ITGA8: variants seen among roughly 807,000 people sequenced by gnomAD.
ITGA8 encodes the protein integrin subunit alpha 8.
Under a neutral mutation model 142.3 loss-of-function variants are expected in ITGA8, and 91 were observed. The ratio of observed to expected loss-of-function variants is 0.64; its 90% CI spans 0.54 to 0.76. The LOEUF is 0.76. Ranked by LOEUF, ITGA8 falls within the 30% of genes least tolerant of loss-of-function variation. The pLI, the probability that ITGA8 is intolerant of heterozygous loss-of-function variation, is 0.00. For missense variants in ITGA8, 1,406 were observed against 1,327.7 expected (o/e 1.06, Z -0.92); for synonymous variants, 505 against 485.2 (o/e 1.04, Z -0.54).
chr10:15,519,553 T>C, intron 28 of ITGA8, 141 bp from the exon 29 acceptor site: 1 of 882,706 alleles, frequency 1.1e-6, no homozygotes, highest in Non-Finnish European at 1.8e-6. Context: ...ATTTGAGAGG[T>C]AGCACTCGAA....
At chr10:15,621,018 C>T (rs902494964) in intron 13 of ITGA8, among the ~76,000 whole-genome samples, 2 of 152,198 alleles carry the variant, frequency 1.3e-5, no homozygotes, top group African/African-American at 2.4e-5. Flanking sequence ...GAATTTATAA[C>T]ACTTGGAACA....
chr10:15,716,251 T>C (rs755212507), intron 2 of ITGA8, among the ~76,000 whole-genome samples: 2 of 152,262 alleles, frequency 1.3e-5, no homozygotes, highest in Non-Finnish European at 2.9e-5. Flanking sequence ...AATTCTGAAA[T>C]TATTATGATT....
At position 15,592,289 on chromosome 10, in the gene ITGA8, G is replaced by A. The variant is rs375972086; in HGVS notation, c.2227C>T (p.Arg743Ter). The change falls in exon 22 of 30, where the codon CGA becomes TGA. Residue 743 changes from arginine to a stop codon, truncating the protein, a stop_gained. Coordinates refer to ENST00000378076, the MANE Select transcript of ITGA8 (RefSeq NM_003638.3). LOFTEE classifies it high-confidence loss of function. ...TTCTCAAGACGTGGAACTGCAAATC[G>A]GAGGCCCAGGGAATACTAAAAAATA... ...VSGTNYSLGLRFAVPRLEKTN... is the reference protein window; with the variant it reads ...VSGTNYSLGL The A allele has an allele frequency of 5.6e-6, 9 of 1,612,146 alleles. No individual in the cohort carries two copies. Among genetic ancestry groups the A allele is most frequent in the Admixed American group, 3.3e-5 (2 of 59,938 alleles).
At chr10:15,646,139 A>G (rs991535521) in intron 12 of ITGA8, among the ~76,000 whole-genome samples, 2 of 152,214 alleles carry the variant, frequency 1.3e-5, no homozygotes, top group African/African-American at 4.8e-5. Flanking sequence ...ACTGAGAGCT[A>G]TTACAGGATA....
rs1832959252 is a variant in ITGA8 at position 15,516,242 on chromosome 10, T to C, written c.*916A>G. 1 of 152,230 alleles carries C rather than the reference T, an allele frequency of 6.6e-6. No homozygotes were observed. Among genetic ancestry groups the C allele is most frequent in the Non-Finnish European group, 1.5e-5 (1 of 68,042 alleles). 9.4% of individuals were successfully genotyped at this position (152,230 alleles called of 1,614,324 possible). ...AGAGAGTACCTCGAAATTCATGTAT[T>C]AACTAAGTCAATGGAAAGATATACA... On this transcript the variant is annotated 3_prime_UTR_variant, in exon 30 of 30. Coordinates refer to ENST00000378076, the MANE Select transcript of ITGA8 (RefSeq NM_003638.3).
intron 24 of ITGA8, among the ~76,000 whole-genome samples, chr10:15,573,113 T>C (rs1270955070): frequency 6.6e-6 from 1 of 152,236 alleles, no homozygotes; most frequent in Non-Finnish European, 1.5e-5. Context: ...CAGTGATCTA[T>C]AAAACAATGG....
At chr10:15,620,844 T>C (rs1245093787) in intron 13 of ITGA8, among the ~76,000 whole-genome samples, 1 of 152,268 alleles carries the variant, frequency 6.6e-6, no homozygotes, top group Non-Finnish European at 1.5e-5. Context: ...GTTCTATTTA[T>C]ATACACATAC....
At chr10:15,592,191 T>A (rs1294252510) in intron 22 of ITGA8, 34 bp downstream of exon 22, 1 of 1,483,866 alleles carries the variant, frequency 6.7e-7, no homozygotes, top group East Asian at 2.3e-5. Context: ...TTCTTTTGAC[T>A]GCTGTCAACG....
chr10:15,586,726 T>A, intron 22 of ITGA8, 62 bp from the exon 23 acceptor site: 1 of 970,916 alleles, frequency 1.0e-6, no homozygotes. Context: ...CAATATATGA[T>A]CATAAAAAAC....
chr10:15,618,927 A>G (rs1325955438), intron 13 of ITGA8, among the ~76,000 whole-genome samples: 2 of 152,202 alleles, frequency 1.3e-5, no homozygotes, highest in Non-Finnish European at 2.9e-5. Flanking sequence ...TGACTGATAC[A>G]CTGTACATGT....
Position 15,576,889 on chromosome 10 carries a change from G to C in ITGA8, c.2373-1295C>G, listed in dbSNP as rs9333184. Among the ~76,000 whole-genome samples, 1,219 of 152,268 alleles carry C rather than the reference G, an allele frequency of 8.0e-3. 15 individuals are homozygous for C. Among genetic ancestry groups the C allele is most frequent in the African/African-American group, 0.028 (1,143 of 41,544 alleles). ...TTACTGTGCAATGTTAAGAAGAACA[G>C]GGCACAACTTTGCTGGGCTGATACC... On this transcript the variant is annotated intron_variant, in intron 23 of 29. Coordinates refer to ENST00000378076, the MANE Select transcript of ITGA8 (RefSeq NM_003638.3).
chr10:15,548,878 C>T (rs1171546561), intron 26 of ITGA8, among the ~76,000 whole-genome samples: 1 of 152,162 alleles, frequency 6.6e-6, no homozygotes, highest in Non-Finnish European at 1.5e-5. Flanking sequence ...TAGATATTCA[C>T]AATACCCAGT....
chr10:15,561,925 G>A (rs7911778), intron 25 of ITGA8, among the ~76,000 whole-genome samples: 59,819 of 151,922 alleles, frequency 0.39, 12,429 homozygotes, highest in African/African-American at 0.52. Context: ...GGTGAAGGGG[G>A]AGCAAGGTAC....
In ITGA8 at chr10:15,682,133, C is replaced by T. The variant is rs527716648; in HGVS notation, c.568+1871G>A. The stretch of plus-strand genomic sequence containing the variant: ...TCTTGTCTAAAATGCTGCTCCTCCC[C>T]TGGCTTCCCCAGCACAGGTCTCTCC... On this transcript the variant is annotated intron_variant, in intron 4 of 29. Coordinates refer to ENST00000378076, the MANE Select transcript of ITGA8 (RefSeq NM_003638.3). Among the ~76,000 whole-genome samples, 4 of 152,290 alleles carry T rather than the reference C, an allele frequency of 2.6e-5. No homozygotes were observed. In the South Asian group the frequency reaches 8.3e-4, roughly 32 times the overall value.
chr10:15,556,575 T>C (rs1833893272), intron 26 of ITGA8, among the ~76,000 whole-genome samples: 1 of 152,198 alleles, frequency 6.6e-6, no homozygotes, highest in Admixed American at 6.5e-5. Context: ...TTGTAATTTT[T>C]ATGGTTATGT....
intron 4 of ITGA8, among the ~76,000 whole-genome samples, chr10:15,680,213 C>G (rs895690075): frequency 4.2e-5 from 5 of 120,152 alleles, no homozygotes; most frequent in Non-Finnish European, 8.3e-5. Context: ...TTTCCAGATG[C>G]TCCTTTTTTT....
At chr10:15,658,423 C>T (rs1834226156) in intron 10 of ITGA8, among the ~76,000 whole-genome samples, 1 of 152,148 alleles carries the variant, frequency 6.6e-6, no homozygotes. Context: ...CCCACCTCCC[C>T]CACCAGTCTC....
intron 11 of ITGA8, among the ~76,000 whole-genome samples, chr10:15,647,754 G>A (rs893041102): frequency 2.0e-4 from 31 of 152,062 alleles, no homozygotes; most frequent in Non-Finnish European, 3.5e-4. Context: ...GAGCCACCGC[G>A]CCCGGCCAAT....
intron 24 of ITGA8, among the ~76,000 whole-genome samples, chr10:15,573,954 T>C (rs963399218): frequency 3.3e-5 from 5 of 152,168 alleles, no homozygotes; most frequent in East Asian, 3.8e-4. Flanking sequence ...CTTTGCTATA[T>C]GTTGGTTTCT....
Sources: allele counts gnomAD v4.1 joint callset (sites outside exome capture counted in the v4.1 genomes callset), GRCh38; gene constraint gnomAD v4.1.1; transcripts MANE v1.5; gene names NCBI Gene and HGNC (gene_info 2026-07-23, HGNC 2026-07-21).